The following PRKCB variants were observed in gnomAD, a reference collection of about 807,000 sequenced individuals.
PRKCB encodes protein kinase C beta, also known as protein kinase C beta type.
In PRKCB, 13 loss-of-function variants were observed where a neutral mutation model predicts 81.5. The ratio of observed to expected loss-of-function variants is 0.16; its 90% CI spans 0.10 to 0.25. The LOEUF (loss-of-function observed/expected upper bound fraction) is 0.25, where lower values mean the gene tolerates loss of function less well. Among genes scored for constraint, PRKCB ranks in the 10% least tolerant of loss-of-function variants. The pLI, the probability that PRKCB is intolerant of heterozygous loss-of-function variation, is 1.00. For missense variants in PRKCB, 509 were observed against 875.7 expected, an observed-to-expected ratio of 0.58 and a Z score of 5.29; for synonymous variants, 335 against 321.4, an observed-to-expected ratio of 1.04 and a Z score of -0.45.
intron 5 of PRKCB, among the ~76,000 whole-genome samples, chr16:24,071,744 A>G (rs1182315844): frequency 6.6e-6 from 1 of 152,064 alleles, no homozygotes; most frequent in Non-Finnish European, 1.5e-5. Flanking sequence ...CTTACAGGGA[A>G]CAGCCGGCAG....
rs182882916 is a variant in PRKCB, at chr16:24,062,533, G to C, written c.529+26986G>C. Among the ~76,000 whole-genome samples the C allele has an allele frequency of 1.2e-3, 179 of 152,326 alleles. 1 individual carries two copies. The highest frequency in any genetic ancestry group is 7.3e-4 in the Non-Finnish European group (50 of 68,028). On this transcript the variant is annotated intron_variant, in intron 5 of 16. Coordinates refer to ENST00000643927, the MANE Select transcript of PRKCB (RefSeq NM_002738.7). ...ATTTTACTTTCTCAAGTATAAAGGG[G>C]GGTTTGTAGGCAAGGAAGATGCCAA... is the stretch of plus-strand genomic sequence containing the variant.
intron 2 of PRKCB, among the ~76,000 whole-genome samples, chr16:23,892,291 C>T (rs1168776913): frequency 2.0e-5 from 3 of 152,154 alleles, no homozygotes; most frequent in Non-Finnish European, 4.4e-5. Context: ...CTTTGCTCTT[C>T]GTGCTTTATG....
Position 23,836,121 on chromosome 16 carries a change from C to G in PRKCB, c.-55C>G, listed in dbSNP as rs890774772. ...CCGCGCCTCCCCGGCCCGCAGCCCG[C>G]GGTCCCGCGGCCCCGGGGCCGGCAC... On this transcript the variant is annotated 5_prime_UTR_variant, in exon 1 of 17. Coordinates refer to ENST00000643927, the MANE Select transcript of PRKCB (RefSeq NM_002738.7). The G allele has an allele frequency of 7.7e-6, 9 of 1,174,620 alleles. No homozygotes were observed. In the African/African-American group the frequency reaches 1.2e-4, roughly 15 times the overall value. 72.8% of individuals were successfully genotyped at this position (1,174,620 alleles called of 1,614,324 possible).
intron 2 of PRKCB, among the ~76,000 whole-genome samples, chr16:23,846,993 C>T (rs975837414): frequency 6.6e-6 from 1 of 151,998 alleles, no homozygotes; most frequent in Non-Finnish European, 1.5e-5. Context: ...CAGAAAGTTG[C>T]CCTACAGAGT....
chr16:24,028,120 G>T (rs1003015422), intron 3 of PRKCB, among the ~76,000 whole-genome samples: 1 of 151,958 alleles, frequency 6.6e-6, no homozygotes, highest in African/African-American at 2.4e-5. Context: ...ATGGAGTCTT[G>T]CTCTGTCGCC....
chr16:24,199,569 G>C (rs1224293118), intron 16 of PRKCB, among the ~76,000 whole-genome samples: 1 of 152,076 alleles, frequency 6.6e-6, no homozygotes, highest in Admixed American at 6.5e-5. Flanking sequence ...CTCCCCCAAA[G>C]TATCAAATAC....
chr16:24,017,498 G>A lies in PRKCB; in HGVS notation c.289-14638G>A, dbSNP rs188263456. 3.0e-4 allele frequency among the ~76,000 whole-genome samples: 45 copies of A among 148,352 alleles called. 1 individual carries two copies. The highest frequency in any genetic ancestry group is 1.5e-3 in the Admixed American group (23 of 14,888). On this transcript the variant is annotated intron_variant, in intron 3 of 16. Coordinates refer to ENST00000643927, the MANE Select transcript of PRKCB (RefSeq NM_002738.7). The stretch of plus-strand genomic sequence containing the variant: ...AATTTGCACTTTATTAAACACGCAG[G>A]CACACACACACACACACACAGACAC...
rs185214472 is a variant in PRKCB, at chr16:23,982,456, T to C, written c.206-6052T>C. On this transcript the variant is annotated intron_variant, in intron 2 of 16. Coordinates refer to ENST00000643927, the MANE Select transcript of PRKCB (RefSeq NM_002738.7). ...TTTTTCTGGAGTCAGGGTCTCATTC[T>C]GTTGCCCAGGCTGGAGTGCAGTGGT... Among the ~76,000 whole-genome samples the C allele has an allele frequency of 3.4e-3, 513 of 151,650 alleles. 3 individuals are homozygous for C. Among genetic ancestry groups the C allele is most frequent in the African/African-American group, 0.012 (494 of 41,280 alleles).
intron 16 of PRKCB, among the ~76,000 whole-genome samples, chr16:24,208,779 C>T (rs374478276): frequency 1.1e-4 from 17 of 152,124 alleles, no homozygotes; most frequent in African/African-American, 3.6e-4. Context: ...CAAGGGCTGA[C>T]GTCTCCATTT....
intron 12 of PRKCB, among the ~76,000 whole-genome samples, chr16:24,175,419 T>C (rs1161128673): frequency 3.6e-5 from 5 of 138,038 alleles, no homozygotes; most frequent in African/African-American, 1.1e-4. Flanking sequence ...CAGAAGTGAA[T>C]AAAACAGATG....
chr16:23,924,331 T>C (rs1397970328), intron 2 of PRKCB, among the ~76,000 whole-genome samples: 2 of 152,046 alleles, frequency 1.3e-5, no homozygotes, highest in Non-Finnish European at 2.9e-5. Context: ...TAAATCTCTT[T>C]CCTCTAGAAA....
intron 9 of PRKCB, chr16:24,151,846 C>T (rs769811916): frequency 4.6e-5 from 21 of 455,746 alleles, no homozygotes; most frequent in South Asian, 2.0e-4. Flanking sequence ...TGTTTATCTA[C>T]GAAATGGGGG....
chr16:24,108,160 ATTT>A (rs1050746201), intron 7 of PRKCB, among the ~76,000 whole-genome samples: 1 of 128,314 alleles, frequency 7.8e-6, no homozygotes, highest in African/African-American at 3.2e-5. Flanking sequence ...CCATTTGTTT[ATTT>A]TTTTTTCTTT....
intron 2 of PRKCB, among the ~76,000 whole-genome samples, chr16:23,931,868 C>T (rs1236841818): frequency 6.6e-6 from 1 of 152,204 alleles, no homozygotes; most frequent in Non-Finnish European, 1.5e-5. Flanking sequence ...TCCATATCCG[C>T]ACCCAATGCT....
At position 24,057,669 on chromosome 16, in the gene PRKCB, G is replaced by A. The variant is rs148837830; in HGVS notation, c.529+22122G>A. 3.5e-3 allele frequency among the ~76,000 whole-genome samples: 534 copies of A among 152,266 alleles called. 3 individuals are homozygous for A. Among genetic ancestry groups the A allele is most frequent in the African/African-American group, 0.012 (503 of 41,548 alleles). ...GCACATGCTGTGGGAGGTGCCAGGG[G>A]ATGAGAGGTTAATTCCAACCCATGG... is the stretch of plus-strand genomic sequence containing the variant. On this transcript the variant is annotated intron_variant, in intron 5 of 16. Transcript: ENST00000643927.
rs144701505 is a variant in PRKCB, at chr16:24,184,412, A to G, written c.1534-699A>G. Among the ~76,000 whole-genome samples, 1,060 of 152,010 alleles carry G rather than the reference A, an allele frequency of 7.0e-3. 12 individuals carry two copies. The highest frequency in any genetic ancestry group is 0.024 in the African/African-American group (991 of 41,422). On this transcript the variant is annotated intron_variant, in intron 13 of 16. Transcript: ENST00000643927. Reference sequence around the variant, plus strand: ...GCTGTGAGCTGTGAGCTATGATCTCACCACTGCACTCCAGCCTGGGTGACA... The same window carrying G: ...GCTGTGAGCTGTGAGCTATGATCTCGCCACTGCACTCCAGCCTGGGTGACA...
At chr16:23,938,258 A>G (rs1374874675) in intron 2 of PRKCB, among the ~76,000 whole-genome samples, 1 of 152,240 alleles carries the variant, frequency 6.6e-6, no homozygotes, top group Non-Finnish European at 1.5e-5. Context: ...TCATCTACAT[A>G]TTTGATTCTC....
intron 2 of PRKCB, among the ~76,000 whole-genome samples, chr16:23,985,444 A>G (rs1380389318): frequency 6.6e-6 from 1 of 152,222 alleles, no homozygotes; most frequent in East Asian, 1.9e-4. Context: ...AACAAAATGA[A>G]GACATGTCAA....
At chr16:24,028,758 T>C (rs1004475824) in intron 3 of PRKCB, among the ~76,000 whole-genome samples, 1 of 152,216 alleles carries the variant, frequency 6.6e-6, no homozygotes, top group Non-Finnish European at 1.5e-5. Context: ...TTTGGGGCTA[T>C]TATAAGTAAG....
Sources: gnomAD v4.1 joint callset for allele counts (sites outside exome capture counted in the v4.1 genomes callset) on GRCh38, gnomAD v4.1.1 for gene constraint, MANE v1.5 for transcripts, NCBI Gene and HGNC (gene_info 2026-07-23, HGNC 2026-07-21) for gene names.